The following CFAP92 variants were observed in gnomAD, a reference collection of about 807,000 sequenced individuals.
CFAP92 encodes the protein cilia and flagella associated protein 92 (putative).
A neutral mutation model predicts 106.3 loss-of-function variants in CFAP92; 86 were observed. The observed-to-expected ratio is 0.81, with a 90% CI of 0.68 to 0.97. The LOEUF (loss-of-function observed/expected upper bound fraction) is 0.97. Ranked by LOEUF, CFAP92 falls within the 50% of genes least tolerant of loss-of-function variation. The pLI is 0.00. For synonymous variants in CFAP92, 477 were observed against 506.4 expected (o/e 0.94, Z 0.78); for missense variants, 1,204 against 1,283.8 (o/e 0.94, Z 0.95).
intron 9 of CFAP92, among the ~76,000 whole-genome samples, chr3:128,958,687 T>A (rs972807933): frequency 1.3e-5 from 2 of 151,448 alleles, no homozygotes; most frequent in African/African-American, 4.9e-5. Context: ...GATCACTTGA[T>A]CCCAGGAGTT....
intron 9 of CFAP92, among the ~76,000 whole-genome samples, chr3:128,949,678 T>A (rs905260225): frequency 1.3e-5 from 2 of 152,222 alleles, no homozygotes; most frequent in African/African-American, 4.8e-5. Context: ...AATATTGATC[T>A]ATACGTGATT....
At chr3:128,982,099 G>A (rs1943572855) in intron 4 of CFAP92, among the ~76,000 whole-genome samples, 1 of 152,176 alleles carries the variant, frequency 6.6e-6, no homozygotes, top group Non-Finnish European at 1.5e-5. Flanking sequence ...TTGAAGCCAG[G>A]CATTGACTTC....
rs1344350370 is a variant in CFAP92 at position 128,934,147 on chromosome 3, T to G, written c.2453+978A>C. Among the ~76,000 whole-genome samples the G allele has an allele frequency of 5.3e-5, 8 of 152,268 alleles. No individual in the cohort carries two copies. In the East Asian group the frequency reaches 1.5e-3, roughly 29 times the overall value. ...CCCACTGCCTGTGTTCTTTATGTCA[T>G]CTCTGCTTCTGAACTGTAGCCTCCT... On this transcript the variant is annotated intron_variant, in intron 11 of 15. Transcript: ENST00000645291.
intron 15 of CFAP92, among the ~76,000 whole-genome samples, chr3:128,911,920 G>T (rs192866452): frequency 6.6e-6 from 1 of 152,136 alleles, no homozygotes; most frequent in African/African-American, 2.4e-5. Context: ...GGCTTTGCTC[G>T]TGCTCCCCGC....
intron 15 of CFAP92, among the ~76,000 whole-genome samples, chr3:128,911,880 AG>A (rs1936366874): frequency 6.6e-6 from 1 of 152,178 alleles, no homozygotes; most frequent in Non-Finnish European, 1.5e-5. Context: ...TGCCCTGCAG[AG>A]GTCTCAGGCC....
intron 12 of CFAP92, among the ~76,000 whole-genome samples, chr3:128,927,103 AAAG>A (rs911122968): frequency 3.3e-5 from 5 of 152,084 alleles, no homozygotes; most frequent in African/African-American, 1.2e-4. Context: ...AAAAGAAAAA[AAAG>A]AGAGAGATAT....
At chr3:128,987,063 AG>A (rs1943900323) in intron 4 of CFAP92, among the ~76,000 whole-genome samples, 1 of 152,198 alleles carries the variant, frequency 6.6e-6, no homozygotes. Flanking sequence ...CAGGAGGCTG[AG>A]GCAGGAGAAT....
intron 9 of CFAP92, among the ~76,000 whole-genome samples, chr3:128,947,812 G>A (rs1193846864): frequency 2.0e-5 from 3 of 151,654 alleles, no homozygotes; most frequent in African/African-American, 7.3e-5. Flanking sequence ...ACACCAACCT[G>A]GACAACAAAT....
chr3:128,979,947 A>ATAT (rs1553758975), intron 4 of CFAP92, among the ~76,000 whole-genome samples: 28 of 128,300 alleles, frequency 2.2e-4, no homozygotes, highest in South Asian at 8.1e-4. Context: ...AAAGTATAAT[A>ATAT]ATATATATAT....
upstream of CFAP92, chr3:129,003,820 C>A (rs183061517): frequency 4.8e-6 from 7 of 1,465,284 alleles, no homozygotes; most frequent in Non-Finnish European, 6.3e-6. Flanking sequence ...GCCAGGCGAG[C>A]ACCCACGAGA....
At chr3:128,991,867 A>G (rs949963395) in intron 2 of CFAP92, 3 of 987,286 alleles carry the variant, frequency 3.0e-6, no homozygotes, top group Non-Finnish European at 3.6e-6. Context: ...AAAACAAAGC[A>G]AGGTCTATCA....
At chr3:129,008,446 C>T in the CFAP92 span, among the ~76,000 whole-genome samples, 1 of 152,218 alleles carries the variant, frequency 6.6e-6, no homozygotes, top group Non-Finnish European at 1.5e-5. Flanking sequence ...AGCATTTCAA[C>T]ATATTTGTAG....
At chr3:128,910,623 T>TGCCAGGCCTTGTGACCCCTGC in intron 15 of CFAP92, 1 of 1,101,682 alleles carries the variant, frequency 9.1e-7, no homozygotes, top group Non-Finnish European at 1.4e-6. Flanking sequence ...GTGACTCCTG[T>TGCCAGGCCTTGTGACCCCTGC]GCCAGGCCTT....
intron 9 of CFAP92, among the ~76,000 whole-genome samples, chr3:128,946,859 G>A (rs1356521600): frequency 6.6e-6 from 1 of 152,160 alleles, no homozygotes; most frequent in Non-Finnish European, 1.5e-5. Context: ...ATATTAGAAT[G>A]ATCAGAGATA....
chr3:129,023,283 C>T, the CFAP92 span, among the ~76,000 whole-genome samples: 1 of 151,406 alleles, frequency 6.6e-6, no homozygotes. Context: ...AGTACAGAGA[C>T]AGCCTCAGGC....
chr3:128,979,853 G>A (rs374143976), intron 4 of CFAP92, among the ~76,000 whole-genome samples: 5 of 151,358 alleles, frequency 3.3e-5, no homozygotes, highest in South Asian at 2.1e-4. Flanking sequence ...TGTAAATGAC[G>A]AGTTAATGGG....
chr3:128,981,883 G>A lies in CFAP92; in HGVS notation c.668-3698C>T, dbSNP rs147760067. On this transcript the variant is annotated intron_variant, in intron 4 of 15. Coordinates refer to ENST00000645291, the MANE Select transcript of CFAP92 (RefSeq NM_001394090.1). ...AAAGGAGTCTTTTTCTAAGCGGTAG[G>A]TGTCAACAGTTGGCTTTAAATATTC... Among the ~76,000 whole-genome samples the A allele has an allele frequency of 7.2e-4, 110 of 152,302 alleles. 1 individual carries two copies. Among genetic ancestry groups the A allele is most frequent in the African/African-American group, 2.6e-3 (109 of 41,556 alleles).
intron 12 of CFAP92, among the ~76,000 whole-genome samples, chr3:128,921,033 T>C (rs1336970843): frequency 3.3e-5 from 5 of 152,228 alleles, no homozygotes; most frequent in Non-Finnish European, 7.3e-5. Context: ...CCTGCTTCTT[T>C]GATCACCAAT....
intron 5 of CFAP92, 66 bp from the exon 6 acceptor site, chr3:128,977,132 C>T (rs1031316193): frequency 7.8e-7 from 1 of 1,277,088 alleles, no homozygotes; most frequent in Non-Finnish European, 1.1e-6. Flanking sequence ...AATGAGGGCC[C>T]CTGACCCATT....
Sources: gnomAD v4.1 joint callset for allele counts (sites outside exome capture counted in the v4.1 genomes callset) on GRCh38, gnomAD v4.1.1 for gene constraint, MANE v1.5 for transcripts, NCBI Gene and HGNC (gene_info 2026-07-23, HGNC 2026-07-21) for gene names.